Variants in WSCD2 observed in about 807,000 individuals in gnomAD.
WSCD2 encodes the protein sialate:O-sulfotransferase 2.
A neutral mutation model predicts 55.7 loss-of-function variants in WSCD2; 28 were observed. That is an observed-to-expected ratio of 0.50 (90% confidence interval 0.37 to 0.69). The LOEUF is 0.69. WSCD2 is among the 30% of genes least tolerant of loss of function. WSCD2 has a pLI of 0.00. For missense variants in WSCD2, 616 were observed against 762.1 expected (o/e 0.81, Z 2.26); for synonymous variants, 301 against 301.9 (o/e 1.00, Z 0.03).
intron 2 of WSCD2, among the ~76,000 whole-genome samples, chr12:108,205,670 T>C (rs1293920427): frequency 6.6e-6 from 1 of 152,210 alleles, no homozygotes. Flanking sequence ...CTACTCATCT[T>C]AATTTGATGC....
Position 108,196,132 on chromosome 12 carries a change from G to C in WSCD2, c.300G>C (p.Glu100Asp), listed in dbSNP as rs1883890403. The change falls in exon 2 of 9, where the codon GAG becomes GAC. Residue 100 changes from glutamate (E) to aspartate (D), a missense_variant. Glu to Asp is a conservative substitution (Grantham distance 45). Around this residue, in one of 3 missense-constraint regions of WSCD2, gnomAD observed 374 missense variants for 467.4 expected, o/e 0.80. Transcript: ENST00000547525. ...GGTTCAAGGGCAAGGATGGGAATGA[G>C]AGAGCCAAGCTTGGCGACTACGGTG... ...GPWFKGKDGN[E>D]RAKLGDYGGA... 1.2e-6 allele frequency: 2 copies of C among 1,614,190 alleles called. No homozygotes were observed. Among genetic ancestry groups the C allele is most frequent in the Non-Finnish European group, 1.7e-6 (2 of 1,180,042 alleles).
At chr12:108,202,962 C>A (rs934887621) in intron 2 of WSCD2, among the ~76,000 whole-genome samples, 4 of 152,246 alleles carry the variant, frequency 2.6e-5, no homozygotes, top group Non-Finnish European at 5.9e-5. Context: ...GCTCCATCCT[C>A]CTCCTGGGCA....
intron 1 of WSCD2, among the ~76,000 whole-genome samples, chr12:108,174,608 T>C (rs1880591315): frequency 6.6e-6 from 1 of 152,194 alleles, no homozygotes; most frequent in South Asian, 2.1e-4. Flanking sequence ...GAGCTCCTAA[T>C]TTTTAAATTA....
intron 1 of WSCD2, chr12:108,167,297 T>C (rs1387852602): frequency 6.6e-6 from 1 of 152,224 alleles, no homozygotes; most frequent in East Asian, 1.9e-4. Context: ...CTTGAGGAAG[T>C]CATAGGCTGC....
At chr12:108,172,105 C>T (rs535337798) in intron 1 of WSCD2, among the ~76,000 whole-genome samples, 2 of 152,196 alleles carry the variant, frequency 1.3e-5, no homozygotes, top group East Asian at 3.9e-4. Context: ...TGTCAGAGAC[C>T]TCTAAGAAGC....
At chr12:108,178,121 G>C (rs911932805) in intron 1 of WSCD2, among the ~76,000 whole-genome samples, 13 of 152,170 alleles carry the variant, frequency 8.5e-5, no homozygotes, top group Admixed American at 7.9e-4. Context: ...TCTGGAAGCT[G>C]GAAGTCCAAA....
rs149394445 is a variant in WSCD2 at position 108,232,950 on chromosome 12, C to T, written c.1144+55C>T. 2,415 of 1,589,038 alleles carry T rather than the reference C, an allele frequency of 1.5e-3. 20 individuals carry two copies. The highest frequency in any genetic ancestry group is 6.8e-3 in the African/African-American group (505 of 74,678). ...GAGGTTCCCTGGGCTTGGGAAGGTC[C>T]CCACTTGGAGGGTATGGGAATACTC... is the stretch of plus-strand genomic sequence containing the variant. On this transcript the variant is annotated intron_variant, in intron 7 of 8. Transcript: ENST00000547525.
intron 1 of WSCD2, among the ~76,000 whole-genome samples, chr12:108,154,287 G>A (rs181231653): frequency 1.6e-3 from 239 of 152,284 alleles, no homozygotes; most frequent in African/African-American, 5.4e-3. Context: ...GTTCCTTCTG[G>A]AGGCTCCAGA....
chr12:108,144,808 C>T (rs1592879445), intron 1 of WSCD2, among the ~76,000 whole-genome samples: 1 of 152,180 alleles, frequency 6.6e-6, no homozygotes, highest in Admixed American at 6.5e-5. Context: ...TTTACTCCCC[C>T]AGCAGCCCTG....
intron 1 of WSCD2, among the ~76,000 whole-genome samples, chr12:108,140,623 G>A (rs531102062): frequency 6.6e-6 from 1 of 152,274 alleles, no homozygotes; most frequent in East Asian, 1.9e-4. Flanking sequence ...CTCAAGTGCT[G>A]GGGATTGAGG....
At chr12:108,222,709 G>T (rs554789489) in intron 4 of WSCD2, among the ~76,000 whole-genome samples, 3 of 152,270 alleles carry the variant, frequency 2.0e-5, no homozygotes, top group African/African-American at 7.2e-5. Flanking sequence ...GGCCAGGTTG[G>T]TCTTCAACGC....
At chr12:108,228,212 C>A (rs774265787) in intron 6 of WSCD2, among the ~76,000 whole-genome samples, 21 of 152,198 alleles carry the variant, frequency 1.4e-4, no homozygotes, top group Non-Finnish European at 2.9e-4. Context: ...TGCTAGGACA[C>A]TCAGCCCAAA....
In WSCD2 at chr12:108,240,324, T is replaced by C. The variant is rs763438080; in HGVS notation, c.1145-20T>C. On this transcript the variant is annotated intron_variant, in intron 7 of 8. Coordinates refer to ENST00000547525, the MANE Select transcript of WSCD2 (RefSeq NM_014653.4). ...TTCCCCAGCTCACCAGTCCTGTTCC[T>C]CACCTCTGGCTGCGGGAAGGGTTTA... The C allele has an allele frequency of 3.1e-6, 5 of 1,613,532 alleles. No individual in the cohort carries two copies. The highest frequency in any genetic ancestry group is 4.2e-6 in the Non-Finnish European group (5 of 1,180,002).
At chr12:108,241,197 C>T (rs566611314) in intron 8 of WSCD2, among the ~76,000 whole-genome samples, 1 of 152,274 alleles carries the variant, frequency 6.6e-6, no homozygotes, top group Admixed American at 6.5e-5. Flanking sequence ...TGGGAAATGA[C>T]AGCATTGAGC....
chr12:108,154,636 G>T (rs1229537171), intron 1 of WSCD2, among the ~76,000 whole-genome samples: 2 of 152,084 alleles, frequency 1.3e-5, no homozygotes, highest in African/African-American at 2.4e-5. Flanking sequence ...ACCACAAAAG[G>T]GTTCCAGGAG....
chr12:108,193,213 C>T (rs4964236), intron 1 of WSCD2, among the ~76,000 whole-genome samples: 113,691 of 152,160 alleles, frequency 0.75, 43,656 homozygotes, highest in East Asian at 0.9. Context: ...TATTAACTGT[C>T]CAATAAACAT....
In WSCD2 at chr12:108,248,549, T is replaced by C; in HGVS notation, c.*206T>C. 7.2e-7 allele frequency: 1 copy of C among 1,380,730 alleles called. No homozygotes were observed. The highest frequency in any genetic ancestry group is 9.4e-7 in the Non-Finnish European group (1 of 1,068,176). The allele number at this position is 1,380,730 out of a possible 1,614,324, so 85.5% of individuals were successfully genotyped here. ...CAGGCACTACCACTCTGCTCACATG[T>C]TCCCCCCTTGGCAATGTGGGGCATC... On this transcript the variant is annotated 3_prime_UTR_variant, in exon 9 of 9. Transcript: ENST00000547525. The surrounding 1 kb of genome is among the most constrained non-coding windows in gnomAD (Gnocchi z 4.3).
intron 1 of WSCD2, among the ~76,000 whole-genome samples, chr12:108,173,442 G>C (rs748341352): frequency 6.6e-5 from 10 of 152,140 alleles, no homozygotes; most frequent in Non-Finnish European, 1.2e-4. Flanking sequence ...AATTAACTCA[G>C]AGAATCAGAA....
intron 7 of WSCD2, among the ~76,000 whole-genome samples, chr12:108,236,251 C>T (rs1167299591): frequency 6.6e-6 from 1 of 152,186 alleles, no homozygotes; most frequent in Non-Finnish European, 1.5e-5. Flanking sequence ...CTGTGAGAAG[C>T]ATGTATCAGA....
Sources: gnomAD v4.1 joint callset for allele counts (sites outside exome capture counted in the v4.1 genomes callset) on GRCh38, gnomAD v4.1.1 for gene constraint, gnomAD v4.1.1 regional missense constraint, Gnocchi (gnomAD v3.1) non-coding constraint, MANE v1.5 for transcripts, NCBI Gene and HGNC (gene_info 2026-07-23, HGNC 2026-07-21) for gene names.